The following PLXNA2 variants were observed in gnomAD, a reference collection of about 807,000 sequenced individuals.
The protein encoded by PLXNA2 is plexin-A2.
A neutral mutation model predicts 193.5 loss-of-function variants in PLXNA2; 91 were observed. The observed-to-expected ratio is 0.47, with a 90% confidence interval of 0.40 to 0.56. PLXNA2 has a LOEUF of 0.56. PLXNA2 is among the 20% of genes least tolerant of loss of function. PLXNA2 has a pLI of 0.00. For synonymous variants in PLXNA2, 997 were observed against 1,027.3 expected (o/e 0.97, Z 0.56); for missense variants, 1,995 against 2,503.2 (o/e 0.80, Z 4.33).
At position 208,038,390 on chromosome 1, in the gene PLXNA2, T is replaced by C; in HGVS notation, c.4745A>G (p.Asn1582Ser). The C allele has an allele frequency of 6.2e-7, 1 of 1,613,056 alleles. No homozygotes were observed. Among genetic ancestry groups the C allele is most frequent in the Non-Finnish European group, 8.5e-7 (1 of 1,178,998 alleles). The change falls in exon 26 of 32, where the codon AAC (asparagine) becomes AGC (serine). Residue 1582 changes from asparagine to serine, a missense_variant. Around this residue, in one of 3 missense-constraint regions of PLXNA2, gnomAD observed 1,291 missense variants for 1,673.6 expected, o/e 0.77. Coordinates refer to ENST00000367033, the MANE Select transcript of PLXNA2 (RefSeq NM_025179.4). This position sits in a 1 kb window ranked among gnomAD's most constrained non-coding sequence, Gnocchi z 4.1. ...TKIEGDWKRL[N>S]TLMHYQVSDR... ...TCTCACCTGATAATGCATCAGTGTG[T>C]TGAGCCGCTTCCAGTCACCCTCAAT...
At chr1:208,083,418 T>A (rs1322658821) in intron 10 of PLXNA2, among the ~76,000 whole-genome samples, 2 of 152,132 alleles carry the variant, frequency 1.3e-5, no homozygotes, top group African/African-American at 4.8e-5. Flanking sequence ...CTGAAGGGCA[T>A]GTCACTGTCA....
At chr1:208,128,701 T>C (rs868815741) in intron 4 of PLXNA2, among the ~76,000 whole-genome samples, 45,106 of 107,744 alleles carry the variant, frequency 0.42, 7,472 homozygotes, top group Non-Finnish European at 0.44. Flanking sequence ...CTTTCTTTTT[T>C]TTTTTTTTTT....
chr1:208,142,578 A>G, intron 3 of PLXNA2, 115 bp from the exon 4 acceptor site: 1 of 958,728 alleles, frequency 1.0e-6, no homozygotes, highest in Non-Finnish European at 1.5e-6. Context: ...CCCAGTCACT[A>G]CTCCATAGAC....
At chr1:208,145,102 G>T (rs980007005) in intron 3 of PLXNA2, among the ~76,000 whole-genome samples, 8 of 152,330 alleles carry the variant, frequency 5.3e-5, no homozygotes, top group African/African-American at 1.9e-4. Context: ...AGTCACAAAA[G>T]TTCTTGGGCT....
intron 13 of PLXNA2, among the ~76,000 whole-genome samples, chr1:208,059,681 C>T (rs1442330244): frequency 1.3e-5 from 2 of 152,238 alleles, no homozygotes; most frequent in Admixed American, 1.3e-4. Context: ...AGTCATTTCA[C>T]TTCTCATGAG....
At chr1:208,166,284 T>A (rs1353024202) in intron 3 of PLXNA2, among the ~76,000 whole-genome samples, 1 of 152,190 alleles carries the variant, frequency 6.6e-6, no homozygotes, top group African/African-American at 2.4e-5. Context: ...GTGACTGTCC[T>A]AAGAGCAGAT....
intron 22 of PLXNA2, among the ~76,000 whole-genome samples, chr1:208,041,609 A>T (rs11118976): frequency 0.087 from 13,243 of 152,260 alleles, 894 homozygotes; most frequent in African/African-American, 0.16. Context: ...GCACTTAGAA[A>T]GCGGCTAGGT....
Position 208,028,414 on chromosome 1 carries a change from C to G in PLXNA2, c.5439-255G>C, listed in dbSNP as rs940649155. Among the ~76,000 whole-genome samples the G allele has an allele frequency of 1.3e-5, 2 of 152,214 alleles. No homozygotes were observed. Among genetic ancestry groups the G allele is most frequent in the Admixed American group, 6.5e-5 (1 of 15,282 alleles). On this transcript the variant is annotated intron_variant, in intron 30 of 31. Transcript: ENST00000367033. The surrounding 1 kb of genome is among the most constrained non-coding windows in gnomAD (Gnocchi z 4.2). ...AACAGAGTGGTTAAAAGCCCAGACT[C>G]TCACCAGGCTCTTTGTGTTCAAATC...
In PLXNA2 at chr1:208,227,241, A is replaced by T. The variant is rs1433815676; in HGVS notation, c.-80-9239T>A. 3.3e-5 allele frequency among the ~76,000 whole-genome samples: 5 copies of T among 152,320 alleles called. No individual in the cohort carries two copies. The East Asian group carries it at 9.6e-4, about 29-fold the overall frequency. ...CTCTCACTTATTTTCTGGAAAAAAA[A>T]CTATGAAGAGTAGCTACTATTATTA... On this transcript the variant is annotated intron_variant, in intron 1 of 31. Transcript: ENST00000367033.
chr1:208,142,467 T>C lies in PLXNA2; in HGVS notation c.1372-4A>G. 6.2e-7 allele frequency: 1 copy of C among 1,601,688 alleles called. No homozygotes were observed. Among genetic ancestry groups the C allele is most frequent in the Non-Finnish European group, 8.5e-7 (1 of 1,174,822 alleles). On this transcript the variant is annotated splice_region_variant and splice_polypyrimidine_tract_variant and intron_variant, in intron 3 of 31. Coordinates refer to ENST00000367033, the MANE Select transcript of PLXNA2 (RefSeq NM_025179.4). ...GGGGGGGACCGTCGGCCCGAATCTG[T>C]ATGAGAAACAAGGGTGTCCTCAGCA...
chr1:208,108,086 C>T (rs892882251), intron 4 of PLXNA2, among the ~76,000 whole-genome samples: 2 of 152,138 alleles, frequency 1.3e-5, no homozygotes, highest in Admixed American at 1.3e-4. Flanking sequence ...CCTGATTCAG[C>T]GGGGCTGAAG....
intron 3 of PLXNA2, among the ~76,000 whole-genome samples, chr1:208,156,222 A>G (rs1306690450): frequency 6.6e-6 from 1 of 152,196 alleles, no homozygotes; most frequent in Non-Finnish European, 1.5e-5. Context: ...AGCTTTAGAC[A>G]TCCTGACTAT....
At position 208,031,772 on chromosome 1, in the gene PLXNA2, T is replaced by C. The variant is rs765627280; in HGVS notation, c.5056-13A>G. ...TCTGCAGGGTGCCCTGGAGGAGGGG[T>C]GGGGGAGAGTAAGATGGAGGGGGGT... On this transcript the variant is annotated splice_polypyrimidine_tract_variant and intron_variant, in intron 28 of 31. Coordinates refer to ENST00000367033, the MANE Select transcript of PLXNA2 (RefSeq NM_025179.4). The C allele has an allele frequency of 6.4e-7, 1 of 1,555,928 alleles. No homozygotes were observed. The highest frequency in any genetic ancestry group is 8.7e-7 in the Non-Finnish European group (1 of 1,148,084).
intron 3 of PLXNA2, among the ~76,000 whole-genome samples, chr1:208,200,581 T>C (rs1670516312): frequency 1.9e-5 from 1 of 53,312 alleles, no homozygotes; most frequent in Admixed American, 1.4e-4. Context: ...ATCCTTCTTT[T>C]TTTTTTTTTT....
At chr1:208,175,598 G>A (rs1264969293) in intron 3 of PLXNA2, among the ~76,000 whole-genome samples, 1 of 152,176 alleles carries the variant, frequency 6.6e-6, no homozygotes, top group East Asian at 1.9e-4. Flanking sequence ...TAGGCAGTCT[G>A]ATTGGAACTA....
At position 208,044,994 on chromosome 1, in the gene PLXNA2, G is replaced by A. The variant is rs1665009393; in HGVS notation, c.3639+73C>T. 2 of 1,562,198 alleles carry A rather than the reference G, an allele frequency of 1.3e-6. No homozygotes were observed. Among genetic ancestry groups the A allele is most frequent in the African/African-American group, 2.7e-5 (2 of 73,882 alleles). Reference sequence around the variant, plus strand: ...GAGTCAGGCAACGAGACAGAAGAGAGCCTTTCCTTAGGACAGATCACACAT... The same window carrying A: ...GAGTCAGGCAACGAGACAGAAGAGAACCTTTCCTTAGGACAGATCACACAT... On this transcript the variant is annotated intron_variant, in intron 19 of 31. Transcript: ENST00000367033. The surrounding 1 kb of genome is among the most constrained non-coding windows in gnomAD (Gnocchi z 4.9).
At position 208,087,180 on chromosome 1, in the gene PLXNA2, T is replaced by G. The variant is rs1488805121; in HGVS notation, c.2098-2600A>C. 3.3e-5 allele frequency among the ~76,000 whole-genome samples: 5 copies of G among 152,094 alleles called. No homozygotes were observed. In the East Asian group the frequency reaches 7.7e-4, roughly 24 times the overall value. The stretch of plus-strand genomic sequence containing the variant: ...TCTTAAAGATGTGCTTTTGGAAGTA[T>G]GATGTCTGGGGTTAGTAAAAAAAGA... On this transcript the variant is annotated intron_variant, in intron 9 of 31. Transcript: ENST00000367033.
At chr1:208,099,610 G>C (rs993628039) in intron 5 of PLXNA2, among the ~76,000 whole-genome samples, 7 of 152,058 alleles carry the variant, frequency 4.6e-5, no homozygotes, top group Non-Finnish European at 7.4e-5. Flanking sequence ...TTGCTCTGTT[G>C]CCTAAGCTGG....
At chr1:208,204,128 A>G (rs1164743037) in intron 3 of PLXNA2, among the ~76,000 whole-genome samples, 1 of 152,204 alleles carries the variant, frequency 6.6e-6, no homozygotes, top group Non-Finnish European at 1.5e-5. Context: ...TTTCACAGGC[A>G]TTTCAGCAGC....
Sources: gnomAD v4.1 joint callset for allele counts (sites outside exome capture counted in the v4.1 genomes callset) on GRCh38, gnomAD v4.1.1 for gene constraint, gnomAD v4.1.1 regional missense constraint, Gnocchi (gnomAD v3.1) non-coding constraint, MANE v1.5 for transcripts, NCBI Gene and HGNC (gene_info 2026-07-23, HGNC 2026-07-21) for gene names.